The following FARP1 variants were observed in gnomAD, a reference collection of about 807,000 sequenced individuals.
FARP1 encodes the protein FERM, ARHGEF and pleckstrin domain-containing protein 1.
FARP1 carries 52 observed loss-of-function variants against 128.8 expected under a neutral mutation model. The observed-to-expected ratio is 0.40, with a 90% CI of 0.32 to 0.51. The LOEUF (loss-of-function observed/expected upper bound fraction) is 0.51. FARP1 is among the 20% of genes least tolerant of loss of function. The pLI is 0.45. For missense variants in FARP1, 1,333 were observed against 1,367.9 expected (o/e 0.97, Z 0.40); for synonymous variants, 580 against 551.8 (o/e 1.05, Z -0.72).
chr13:98,221,493 T>C (rs1284704241), intron 2 of FARP1, among the ~76,000 whole-genome samples: 1 of 152,218 alleles, frequency 6.6e-6, no homozygotes, highest in Admixed American at 6.5e-5. Context: ...TTGGAAGGTC[T>C]ATAAGAACCA....
intron 2 of FARP1, among the ~76,000 whole-genome samples, chr13:98,311,110 T>C (rs995135809): frequency 1.3e-5 from 2 of 152,208 alleles, no homozygotes; most frequent in African/African-American, 4.8e-5. Flanking sequence ...ACAATCACAC[T>C]TACAAATTAA....
chr13:98,165,214 C>CAAAA lies in FARP1; in HGVS notation c.-24+21743_-24+21746dup, dbSNP rs34285712. Among the ~76,000 whole-genome samples, 468 of 84,014 alleles carry CAAAA rather than the reference C, an allele frequency of 5.6e-3. 10 individuals are homozygous for CAAAA. The highest frequency in any genetic ancestry group is 0.014 in the Middle Eastern group (2 of 138). 55.1% of individuals were successfully genotyped at this position (84,014 alleles called of 152,430 possible). On this transcript the variant is annotated intron_variant, in intron 1 of 26. Transcript: ENST00000319562. ...TGGGTGACAAAGCCAGACTCTGTCT[C>CAAAA]AAAAAAAAAAAAAAAAAAAAAAAAT...
chr13:98,419,184 A>ACC (rs1164896914), intron 16 of FARP1, among the ~76,000 whole-genome samples: 2 of 152,260 alleles, frequency 1.3e-5, no homozygotes, highest in Admixed American at 1.3e-4. Context: ...GTCATACACA[A>ACC]TATGTTAGGT....
intron 8 of FARP1, among the ~76,000 whole-genome samples, chr13:98,386,203 T>TC (rs1455265693): frequency 1.3e-4 from 19 of 151,574 alleles, no homozygotes; most frequent in African/African-American, 4.6e-4. Context: ...TTTTTTTTTT[T>TC]TTTTTCAAAC....
At chr13:98,229,108 T>C (rs1285299773) in intron 2 of FARP1, among the ~76,000 whole-genome samples, 2 of 152,210 alleles carry the variant, frequency 1.3e-5, no homozygotes, top group African/African-American at 4.8e-5. Context: ...CATATGACAT[T>C]CCAAGCAGAG....
chr13:98,171,466 T>C (rs1278397573), intron 1 of FARP1, among the ~76,000 whole-genome samples: 1 of 152,204 alleles, frequency 6.6e-6, no homozygotes, highest in Non-Finnish European at 1.5e-5. Context: ...ACCTCTCTCT[T>C]GCTTTCTGTC....
rs372080455 is a variant in FARP1, at chr13:98,285,289, TTA to T, written c.172-58470_172-58469del. Among the ~76,000 whole-genome samples, 256 of 152,332 alleles carry T rather than the reference TTA, an allele frequency of 1.7e-3. 2 individuals carry two copies. Among genetic ancestry groups the T allele is most frequent in the African/African-American group, 5.9e-3 (246 of 41,582 alleles). On this transcript the variant is annotated intron_variant, in intron 2 of 26. Coordinates refer to ENST00000319562, the MANE Select transcript of FARP1 (RefSeq NM_005766.4). ...CCCCATAACCTGGAGGCATTCTTAC[TTA>T]TAAGAAGTTTAAAAAATTGAAATAA...
intron 1 of FARP1, among the ~76,000 whole-genome samples, chr13:98,200,982 A>G (rs1879905270): frequency 6.6e-6 from 1 of 152,182 alleles, no homozygotes; most frequent in Admixed American, 6.5e-5. Context: ...ACAATGTGTA[A>G]TGATCAAGTC....
chr13:98,231,134 G>A (rs578206945), intron 2 of FARP1, among the ~76,000 whole-genome samples: 25 of 152,252 alleles, frequency 1.6e-4, no homozygotes, highest in South Asian at 1.2e-3. Context: ...GGTGAGATTT[G>A]GGTGGGGACA....
intron 2 of FARP1, among the ~76,000 whole-genome samples, chr13:98,306,086 G>C (rs1279016393): frequency 6.6e-6 from 1 of 152,210 alleles, no homozygotes; most frequent in East Asian, 1.9e-4. Flanking sequence ...ACGTGCATCT[G>C]TATTTCATGG....
intron 2 of FARP1, among the ~76,000 whole-genome samples, chr13:98,239,189 A>C (rs9652116): frequency 6.6e-6 from 1 of 152,056 alleles, no homozygotes; most frequent in East Asian, 1.9e-4. Context: ...TACTTACCCT[A>C]TGGAGAAAGG....
Position 98,446,679 on chromosome 13 carries a change from T to G in FARP1, c.2918T>G (p.Leu973Arg), listed in dbSNP as rs1487761429. 1 of 1,614,024 alleles carries G rather than the reference T, an allele frequency of 6.2e-7. No individual in the cohort carries two copies. The highest frequency in any genetic ancestry group is 1.7e-5 in the Admixed American group (1 of 60,010). ...TCCCCTTTCCAGGACAATCATCCCC[T>G]TGCCAGCCTGCCTCTGCTCGGCTAC... The part of the protein sequence containing the change: ...FYKSHQDNHP[L>R]ASLPLLGYSL... Residue 973 changes from leucine (L) to arginine (R), a missense_variant, in exon 26 of 27, where the codon CTT becomes CGT. Leu to Arg is a moderately radical substitution (Grantham distance 102). Transcript: ENST00000319562.
At position 98,177,012 on chromosome 13, in the gene FARP1, C is replaced by G. The variant is rs34253287; in HGVS notation, c.-24+33520C>G. On this transcript the variant is annotated intron_variant, in intron 1 of 26. Coordinates refer to ENST00000319562, the MANE Select transcript of FARP1 (RefSeq NM_005766.4). ...CCTCGCCCCTCCTGTCGCCGTGAGC[C>G]GCCTTCTGCCAGCTGTGGAGGCCCC... 9,467 of 1,596,750 alleles carry G rather than the reference C, an allele frequency of 5.9e-3. 128 individuals are homozygous for G. The highest frequency in any genetic ancestry group is 0.045 in the African/African-American group (3,409 of 74,924).
At chr13:98,197,296 G>A (rs765641387) in intron 1 of FARP1, among the ~76,000 whole-genome samples, 4 of 151,982 alleles carry the variant, frequency 2.6e-5, no homozygotes, top group South Asian at 2.1e-4. Context: ...GAGAAACCCC[G>A]TCTCTACTAA....
chr13:98,322,746 A>C (rs1376700587), intron 2 of FARP1, among the ~76,000 whole-genome samples: 1 of 152,258 alleles, frequency 6.6e-6, no homozygotes, highest in African/African-American at 2.4e-5. Context: ...TGTGCATTTC[A>C]GATTTTAAAT....
At chr13:98,266,051 T>C (rs1056378894) in intron 2 of FARP1, among the ~76,000 whole-genome samples, 4 of 151,992 alleles carry the variant, frequency 2.6e-5, no homozygotes, top group Admixed American at 6.5e-5. Context: ...CGCTTTTTTT[T>C]CCCATTTTTT....
At chr13:98,193,851 T>G (rs1879397597) in intron 1 of FARP1, among the ~76,000 whole-genome samples, 1 of 152,228 alleles carries the variant, frequency 6.6e-6, no homozygotes, top group Admixed American at 6.5e-5. Flanking sequence ...CCATCTTAGC[T>G]TCTAGTGATC....
chr13:98,356,527 T>G (rs1161954842), intron 3 of FARP1, among the ~76,000 whole-genome samples: 1 of 152,218 alleles, frequency 6.6e-6, no homozygotes, highest in Non-Finnish European at 1.5e-5. Context: ...TAATCATGTA[T>G]TTTAAAATTG....
At chr13:98,262,893 A>C (rs1883946372) in intron 2 of FARP1, among the ~76,000 whole-genome samples, 2 of 152,212 alleles carry the variant, frequency 1.3e-5, no homozygotes, top group Non-Finnish European at 2.9e-5. Context: ...GGCCTGGTAT[A>C]AATGTTGACT....
Sources: gnomAD v4.1 joint callset for allele counts (sites outside exome capture counted in the v4.1 genomes callset) on GRCh38, gnomAD v4.1.1 for gene constraint, MANE v1.5 for transcripts, NCBI Gene and HGNC (gene_info 2026-07-23, HGNC 2026-07-21) for gene names.